Variants in TAB2 observed in about 807,000 individuals in gnomAD.
TAB2 encodes the protein TGF-beta-activated kinase 1 and MAP3K7-binding protein 2.
A neutral mutation model predicts 65.0 loss-of-function variants in TAB2; 3 were observed. That is an observed-to-expected ratio of 0.05 (90% confidence interval 0.02 to 0.12). The LOEUF (loss-of-function observed/expected upper bound fraction) is 0.12. Ranked by LOEUF, TAB2 falls within the 10% of genes least tolerant of loss-of-function variation. TAB2 has a pLI of 1.00. For synonymous variants in TAB2, 298 were observed against 285.1 expected (o/e 1.05, Z -0.46); for missense variants, 623 against 840.3 (o/e 0.74, Z 3.20).
chr6:149,332,389 A>C (rs764850666), intron 1 of TAB2, among the ~76,000 whole-genome samples: 1 of 152,184 alleles, frequency 6.6e-6, no homozygotes, highest in Non-Finnish European at 1.5e-5. Flanking sequence ...ATTAGCAAAA[A>C]GCCAGACTCT....
chr6:149,383,162 A>T (rs774954597), intron 3 of TAB2, among the ~76,000 whole-genome samples: 1 of 151,724 alleles, frequency 6.6e-6, no homozygotes, highest in African/African-American at 2.4e-5. Flanking sequence ...TCAAAAAAAT[A>T]AAGAAGAAAA....
At chr6:149,377,159 T>A (rs1423961138) in intron 2 of TAB2, among the ~76,000 whole-genome samples, 1 of 149,630 alleles carries the variant, frequency 6.7e-6, no homozygotes, top group Non-Finnish European at 1.5e-5. Flanking sequence ...AAGCTCCGCC[T>A]CCCAGGTTCA....
At chr6:149,324,611 A>C (rs1227142367) in intron 1 of TAB2, among the ~76,000 whole-genome samples, 1 of 152,078 alleles carries the variant, frequency 6.6e-6, no homozygotes, top group East Asian at 1.9e-4. Context: ...AGGGCAGTTC[A>C]GGGGAGTGAC....
chr6:149,391,409 T>C (rs79079588), intron 3 of TAB2, among the ~76,000 whole-genome samples: 3,221 of 152,282 alleles, frequency 0.021, 101 homozygotes, highest in African/African-American at 0.072. Flanking sequence ...AATTCTTTTC[T>C]GATCCCCACT....
At chr6:149,377,950 T>A (rs1781458963) in intron 2 of TAB2, 68 bp from the exon 3 acceptor site, 1 of 1,203,194 alleles carries the variant, frequency 8.3e-7, no homozygotes, top group African/African-American at 1.5e-5. Context: ...ATCATGTATT[T>A]GTAGAGATGC....
intron 1 of TAB2, among the ~76,000 whole-genome samples, chr6:149,280,500 G>T (rs1293054855): frequency 6.6e-6 from 1 of 152,126 alleles, no homozygotes; most frequent in Non-Finnish European, 1.5e-5. Context: ...ATAACGCTGA[G>T]CTAGAGGATA....
chr6:149,323,138 C>T (rs1273618671), intron 1 of TAB2, among the ~76,000 whole-genome samples: 4 of 152,036 alleles, frequency 2.6e-5, no homozygotes, highest in African/African-American at 9.7e-5. Flanking sequence ...TTGTAGTAAA[C>T]TCCTGAGTCT....
chr6:149,265,714 G>A (rs144281656), intron 1 of TAB2, among the ~76,000 whole-genome samples: 3 of 152,284 alleles, frequency 2.0e-5, no homozygotes, highest in African/African-American at 7.2e-5. Context: ...TAAGACTGGG[G>A]TTCAACGCCA....
At chr6:149,356,820 G>A (rs1188827227) in intron 1 of TAB2, among the ~76,000 whole-genome samples, 1 of 152,140 alleles carries the variant, frequency 6.6e-6, no homozygotes, top group Non-Finnish European at 1.5e-5. Context: ...TTGTAGTGTG[G>A]AATTTAGGAT....
intron 2 of TAB2, among the ~76,000 whole-genome samples, chr6:149,376,207 T>C (rs1165488066): frequency 6.6e-6 from 1 of 152,202 alleles, no homozygotes; most frequent in Non-Finnish European, 1.5e-5. Flanking sequence ...TTCTAACTGC[T>C]CATCTTGCCA....
chr6:149,239,239 C>A (rs1583038919), intron 1 of TAB2, among the ~76,000 whole-genome samples: 2 of 152,230 alleles, frequency 1.3e-5, no homozygotes, highest in Admixed American at 6.5e-5. Flanking sequence ...GCTTGATAGA[C>A]AAGCCCAAGC....
At chr6:149,243,557 A>G (rs1048775413) in intron 1 of TAB2, 3 of 152,236 alleles carry the variant, frequency 2.0e-5, no homozygotes, top group African/African-American at 7.2e-5. Context: ...ACAGGAGACA[A>G]CTTTAACTAT....
At chr6:149,409,491 G>C in intron 6 of TAB2, 86 bp from the exon 7 acceptor site, 1 of 1,219,394 alleles carries the variant, frequency 8.2e-7, no homozygotes, top group Non-Finnish European at 1.2e-6. Context: ...ATCAGGCTGT[G>C]CACTACAAAT....
chr6:149,391,754 G>A lies in TAB2; in HGVS notation c.1604-5850G>A, dbSNP rs1023027590. ...AACAGCATCTCCGTTTGTTGCCCAG[G>A]CTGGTGAAACTCCTGGGCTCAAATG... is the stretch of plus-strand genomic sequence containing the variant. On this transcript the variant is annotated intron_variant, in intron 3 of 6. Coordinates refer to ENST00000637181, the MANE Select transcript of TAB2 (RefSeq NM_001292034.3). 2.0e-5 allele frequency among the ~76,000 whole-genome samples: 3 copies of A among 151,934 alleles called. No homozygotes were observed. In the East Asian group the frequency reaches 5.8e-4, roughly 29 times the overall value.
At chr6:149,281,872 A>G (rs1277084606) in intron 1 of TAB2, among the ~76,000 whole-genome samples, 1 of 152,198 alleles carries the variant, frequency 6.6e-6, no homozygotes, top group African/African-American at 2.4e-5. Flanking sequence ...TTATATATAA[A>G]GACATAAAAA....
At chr6:149,307,311 T>C (rs1779089041) in intron 1 of TAB2, among the ~76,000 whole-genome samples, 1 of 152,182 alleles carries the variant, frequency 6.6e-6, no homozygotes. Flanking sequence ...AAGAGTGACA[T>C]GGACAAGGGG....
intron 1 of TAB2, among the ~76,000 whole-genome samples, chr6:149,301,107 T>C (rs1778965263): frequency 6.6e-6 from 1 of 152,232 alleles, no homozygotes; most frequent in Non-Finnish European, 1.5e-5. Context: ...CACATTGGGA[T>C]GGCTGGAGCC....
At chr6:149,218,779 A>G (rs1468273366) in intron 1 of TAB2, 2 of 456,120 alleles carry the variant, frequency 4.4e-6, no homozygotes, top group Admixed American at 4.7e-5. Context: ...GAATGCAGGT[A>G]AGGCAGGAAA....
At chr6:149,257,564 T>A (rs889438189) in intron 1 of TAB2, 1 of 152,136 alleles carries the variant, frequency 6.6e-6, no homozygotes, top group Non-Finnish European at 1.5e-5. Flanking sequence ...ACTGGGCAAG[T>A]CAGGGTGGCC....
Sources: allele counts gnomAD v4.1 joint callset (sites outside exome capture counted in the v4.1 genomes callset), GRCh38; gene constraint gnomAD v4.1.1; transcripts MANE v1.5; gene names NCBI Gene and HGNC (gene_info 2026-07-23, HGNC 2026-07-21).